Variants in CCDC33 observed in about 807,000 individuals in gnomAD.
The protein encoded by CCDC33 is coiled-coil domain containing 33.
Under a neutral mutation model 91.9 loss-of-function variants are expected in CCDC33, and 94 were observed. The observed-to-expected ratio is 1.02, with a 90% confidence interval of 0.87 to 1.21. The LOEUF is 1.21. Ranked by LOEUF, CCDC33 falls within the 50% of genes most tolerant of loss-of-function variation. The probability of loss-of-function intolerance (pLI) is 0.00; values close to 1 mark genes in which losing one functional copy is unlikely to be tolerated. For synonymous variants in CCDC33, 396 were observed against 374.5 expected (o/e 1.06, Z -0.66); for missense variants, 940 against 935.5 (o/e 1.00, Z -0.06).
In CCDC33 at chr15:74,217,912, G is replaced by A. The variant is rs144686649; in HGVS notation, c.310+331G>A. Among the ~76,000 whole-genome samples the A allele has an allele frequency of 4.8e-3, 736 of 152,170 alleles. 7 individuals carry two copies. Among genetic ancestry groups the A allele is most frequent in the African/African-American group, 0.017 (711 of 41,508 alleles). ...AGTCCTGAGCAGTGGACATTACACC[G>A]AGTAATATTATACTCAGCCCTGTGT... On this transcript the variant is annotated intron_variant, in intron 1 of 2. Transcript: ENST00000635913.
intron 2 of CCDC33, among the ~76,000 whole-genome samples, chr15:74,247,952 A>G (rs2075590053): frequency 1.3e-5 from 2 of 152,080 alleles, no homozygotes; most frequent in Non-Finnish European, 2.9e-5. Context: ...TGGTGGGCAC[A>G]TGTAATCCCA....
At chr15:74,261,432 G>A (rs549033853) in intron 2 of CCDC33, among the ~76,000 whole-genome samples, 1 of 152,326 alleles carries the variant, frequency 6.6e-6, no homozygotes, top group African/African-American at 2.4e-5. Flanking sequence ...GAGCCAACTG[G>A]CCTGCCCCAC....
exon 1 of CCDC33, chr15:74,217,325 G>C (rs1032471701): frequency 1.6e-6 from 2 of 1,289,448 alleles, no homozygotes; most frequent in Non-Finnish European, 1.0e-6. Flanking sequence ...TGAGACAGAG[G>C]CTGAAGGCCG....
chr15:74,206,756 C>G (rs772457891), intron 1 of CCDC33, among the ~76,000 whole-genome samples: 1 of 152,216 alleles, frequency 6.6e-6, no homozygotes, highest in African/African-American at 2.4e-5. Context: ...TGAATTGACA[C>G]GTGTCTCAGG....
In CCDC33 at chr15:74,304,949, C is replaced by CT. The variant is rs5813756; in HGVS notation, c.1290+9014dup. Among the ~76,000 whole-genome samples, 105 of 146,794 alleles carry CT rather than the reference C, an allele frequency of 7.2e-4. 1 individual carries two copies. In the East Asian group the frequency reaches 0.013, roughly 19 times the overall value. The stretch of plus-strand genomic sequence containing the variant: ...GAACCTGCTTCTGCTTCTTCTTCTT[C>CT]TTTTTTTTTTTTTAGACAGAGTCTT... On this transcript the variant is annotated intron_variant, in intron 11 of 18. Transcript: ENST00000398814.
chr15:74,228,092 T>C (rs1426461588), intron 2 of CCDC33, among the ~76,000 whole-genome samples: 1 of 152,188 alleles, frequency 6.6e-6, no homozygotes, highest in Non-Finnish European at 1.5e-5. Context: ...ATGCCAGGCC[T>C]GGCCTCTCAG....
chr15:74,247,371 T>TATATAC (rs1186535466), intron 2 of CCDC33, among the ~76,000 whole-genome samples: 4 of 148,614 alleles, frequency 2.7e-5, no homozygotes, highest in Admixed American at 6.7e-5. Flanking sequence ...TATATATATA[T>TATATAC]ACACACACAC....
chr15:74,270,717 A>G (rs2076291099), intron 5 of CCDC33, among the ~76,000 whole-genome samples: 1 of 152,100 alleles, frequency 6.6e-6, no homozygotes, highest in Admixed American at 6.5e-5. Context: ...TTAGGCTGGC[A>G]GCAGAGGCGC....
At chr15:74,229,573 G>A (rs919828894) in intron 2 of CCDC33, among the ~76,000 whole-genome samples, 12 of 152,360 alleles carry the variant, frequency 7.9e-5, no homozygotes, top group African/African-American at 1.9e-4. Context: ...CTGAGTTAAC[G>A]TATGTAAAAC....
At chr15:74,312,669 C>T (rs1459667732) in intron 11 of CCDC33, among the ~76,000 whole-genome samples, 1 of 152,152 alleles carries the variant, frequency 6.6e-6, no homozygotes, top group Non-Finnish European at 1.5e-5. Flanking sequence ...TGCGTCCTGC[C>T]TCCTGCTCAG....
At chr15:74,222,573 T>C (rs2074636859) in intron 2 of CCDC33, among the ~76,000 whole-genome samples, 1 of 151,948 alleles carries the variant, frequency 6.6e-6, no homozygotes, top group Admixed American at 6.5e-5. Flanking sequence ...ACACCTTTTT[T>C]TCCCCCAAGG....
chr15:74,291,856 C>T (rs1449446723), intron 10 of CCDC33, among the ~76,000 whole-genome samples: 2 of 152,368 alleles, frequency 1.3e-5, no homozygotes, highest in South Asian at 2.1e-4. Flanking sequence ...AGACCCAACT[C>T]TGCTAACAAC....
At chr15:74,306,742 A>G (rs1179132622) in intron 11 of CCDC33, among the ~76,000 whole-genome samples, 1 of 152,188 alleles carries the variant, frequency 6.6e-6, no homozygotes, top group Middle Eastern at 3.2e-3. Context: ...AGGACTGGTC[A>G]AGTCAGGGCC....
At chr15:74,293,751 G>T (rs892844739) in intron 10 of CCDC33, among the ~76,000 whole-genome samples, 1 of 152,142 alleles carries the variant, frequency 6.6e-6, no homozygotes, top group African/African-American at 2.4e-5. Flanking sequence ...TCAGCCTCGG[G>T]GTCCCCCAGT....
intron 4 of CCDC33, 126 bp downstream of exon 4, chr15:74,266,913 T>C (rs997513061): frequency 6.2e-6 from 4 of 646,570 alleles, no homozygotes; most frequent in Non-Finnish European, 1.1e-5. Flanking sequence ...TCTAGGACCA[T>C]GTGGGGCTCA....
chr15:74,295,402 T>A (rs889729398), intron 10 of CCDC33, among the ~76,000 whole-genome samples: 1 of 152,194 alleles, frequency 6.6e-6, no homozygotes, highest in Middle Eastern at 3.4e-3. Flanking sequence ...TTAGATAGAG[T>A]GGGCCTCTAT....
chr15:74,332,599 C>T, intron 15 of CCDC33, 80 bp from the exon 16 acceptor site: 2 of 1,509,776 alleles, frequency 1.3e-6, no homozygotes, highest in Non-Finnish European at 1.8e-6. Context: ...CAGATTGAAG[C>T]AAAATGCTGG....
Position 74,217,345 on chromosome 15 carries a change from C to T in CCDC33, c.74C>T (p.Thr25Met), listed in dbSNP as rs1017187800. The change falls in exon 1 of 3, where the codon ACG becomes ATG. Residue 25 changes from threonine (T) to methionine (M), a missense_variant. Transcript: ENST00000635913. ...CAGAGGCTGAAGGCCGAGGAGAAGACGCTGGATCTGGAGTTCGAAGTTTTG... is the reference window on the plus strand; with the variant it reads ...CAGAGGCTGAAGGCCGAGGAGAAGATGCTGGATCTGGAGTTCGAAGTTTTG... 9 of 1,289,932 alleles carry T rather than the reference C, an allele frequency of 7.0e-6. No homozygotes were observed. The Admixed American group carries it at 1.1e-4, about 16-fold the overall frequency. The allele number at this position is 1,289,932 out of a possible 1,614,324, so 79.9% of individuals were successfully genotyped here.
chr15:74,333,783 GC>G, intron 16 of CCDC33, 97 bp from the exon 17 acceptor site: 1 of 947,202 alleles, frequency 1.1e-6, no homozygotes, highest in South Asian at 1.5e-5. Flanking sequence ...CTGAACTCAG[GC>G]CTGACTGGTT....
Sources: allele counts gnomAD v4.1 joint callset (sites outside exome capture counted in the v4.1 genomes callset), GRCh38; gene constraint gnomAD v4.1.1; transcripts MANE v1.5; gene names NCBI Gene and HGNC (gene_info 2026-07-23, HGNC 2026-07-21).